The following PTGER3 variants were observed in gnomAD, a reference collection of about 807,000 sequenced individuals.
PTGER3 encodes prostaglandin E2 receptor EP3 subtype.
A neutral mutation model predicts 34.7 loss-of-function variants in PTGER3; 22 were observed. That is an observed-to-expected ratio of 0.63 (90% CI 0.45 to 0.91). The LOEUF is 0.91. PTGER3 is among the 40% of genes least tolerant of loss of function. The pLI, the probability that PTGER3 is intolerant of heterozygous loss-of-function variation, is 0.00. For missense variants in PTGER3, 468 were observed against 519.4 expected (o/e 0.90, Z 0.96); for synonymous variants, 241 against 230.1 (o/e 1.05, Z -0.43).
chr1:71,043,104 A>T (rs940075373), intron 1 of PTGER3, among the ~76,000 whole-genome samples: 2 of 152,342 alleles, frequency 1.3e-5, no homozygotes, highest in East Asian at 1.9e-4. Flanking sequence ...GGTTATTCCC[A>T]TTTCTGGAAA....
chr1:70,875,189 A>G (rs2100562818), intron 4 of PTGER3, among the ~76,000 whole-genome samples: 1 of 152,318 alleles, frequency 6.6e-6, no homozygotes, highest in Non-Finnish European at 1.5e-5. Flanking sequence ...AATTTTAGGG[A>G]CAAAAATGAG....
In PTGER3 at chr1:70,974,378, T is replaced by G; in HGVS notation, c.1088A>C (p.His363Pro). The change falls in exon 3 of 4, where the codon CAC (histidine) becomes CCC (proline). Residue 363 changes from histidine (H) to proline (P), a missense_variant. By Grantham distance (77) the His-to-Pro change is moderately conservative. Around this residue, in one of 5 missense-constraint regions of PTGER3, gnomAD observed 57 missense variants for 43.8 expected, o/e 1.30. Coordinates refer to ENST00000306666, the MANE Select transcript of PTGER3 (RefSeq NM_198719.2). The part of the protein sequence containing the change: ...LLRKFCQIRY[H>P]TNNYASSSTS... ...GGAGCTGGATGCATAGTTGTTTGTG[T>G]GGTACCTGATCTGTGAACAGACAGA... is the stretch of plus-strand genomic sequence containing the variant. 1 of 1,041,864 alleles carries G rather than the reference T, an allele frequency of 9.6e-7. No individual in the cohort carries two copies. The highest frequency in any genetic ancestry group is 1.5e-6 in the Non-Finnish European group (1 of 657,344). The allele number at this position is 1,041,864 out of a possible 1,614,324, so 64.5% of individuals were successfully genotyped here. A position where few individuals can be genotyped will look rare whatever the true frequency, so the allele number is the denominator to read the frequency against.
intron 2 of PTGER3, among the ~76,000 whole-genome samples, chr1:71,000,886 A>G (rs1656410881): frequency 6.6e-6 from 1 of 152,248 alleles, no homozygotes; most frequent in African/African-American, 2.4e-5. Flanking sequence ...ATGTTGATTT[A>G]ATGAAAGTCA....
At chr1:70,968,939 G>T (rs1652809352), downstream of PTGER3, among the ~76,000 whole-genome samples, 1 of 152,144 alleles carries the variant, frequency 6.6e-6, no homozygotes, top group African/African-American at 2.4e-5. Flanking sequence ...GAGCATGGTG[G>T]CTCACACCTG....
chr1:70,867,809 G>C (rs1646075177), intron 4 of PTGER3, among the ~76,000 whole-genome samples: 1 of 152,098 alleles, frequency 6.6e-6, no homozygotes, highest in African/African-American at 2.4e-5. Context: ...TCTTAAGGAA[G>C]CTCTCCTACT....
At chr1:71,046,239 C>T (rs1467597664) in intron 1 of PTGER3, among the ~76,000 whole-genome samples, 92 of 134,724 alleles carry the variant, frequency 6.8e-4, no homozygotes, top group African/African-American at 2.4e-3. Context: ...TGAGCCGAGG[C>T]TGCGCCACTG....
At position 70,990,353 on chromosome 1, in the gene PTGER3, T is replaced by TCACACACA. The variant is rs576448927; in HGVS notation, c.1078-15973_1078-15966dup. Among the ~76,000 whole-genome samples, 29 of 130,802 alleles carry TCACACACA rather than the reference T, an allele frequency of 2.2e-4. 1 individual carries two copies. Among genetic ancestry groups the TCACACACA allele is most frequent in the East Asian group, 6.8e-4 (3 of 4,444 alleles). 85.8% of individuals were successfully genotyped at this position (130,802 alleles called of 152,430 possible). ...GCCTGGGCGACAGAACGAGACTGTC[T>TCACACACA]CACACACACACACACACACACACAC... On this transcript the variant is annotated intron_variant, in intron 2 of 3. Transcript: ENST00000306666.
intron 2 of PTGER3, chr1:71,010,646 G>A: frequency 1.0e-6 from 1 of 984,396 alleles, no homozygotes; most frequent in Non-Finnish European, 1.2e-6. Flanking sequence ...TACCCAATGA[G>A]ATGACCTACA....
chr1:70,972,551 T>G (rs1653201022), intron 3 of PTGER3, among the ~76,000 whole-genome samples: 1 of 151,962 alleles, frequency 6.6e-6, no homozygotes. Flanking sequence ...TATAAACAGT[T>G]TTTTCAAACC....
chr1:70,921,514 T>C (rs929505254), intron 4 of PTGER3, among the ~76,000 whole-genome samples: 2 of 152,148 alleles, frequency 1.3e-5, no homozygotes, highest in African/African-American at 4.8e-5. Context: ...CTGTGCTTTG[T>C]GGGTCTTTCT....
rs186442522 is a variant in PTGER3 at position 70,920,900 on chromosome 1, T to C, written c.*23+32863A>G. On this transcript the variant is annotated intron_variant, in intron 4 of 4. Coordinates refer to the PTGER3 transcript ENST00000370931. ...TTGTATGTTGTTGTATGTTGTTGTC[T>C]CTATGCATATTCTATACAAGACTAA... Among the ~76,000 whole-genome samples, 100 of 152,130 alleles carry C rather than the reference T, an allele frequency of 6.6e-4. 1 individual carries two copies. The South Asian group carries it at 8.9e-3, about 14-fold the overall frequency.
chr1:70,985,476 C>T (rs549872207), intron 2 of PTGER3, among the ~76,000 whole-genome samples: 19 of 152,206 alleles, frequency 1.2e-4, no homozygotes, highest in African/African-American at 4.6e-4. Context: ...CAAACTGTTT[C>T]TCATAAATGC....
Position 71,011,041 on chromosome 1 carries a change from A to G in PTGER3, c.1077+1264T>C, listed in dbSNP as rs1025861612. 3.0e-6 allele frequency: 3 copies of G among 985,610 alleles called. No individual in the cohort carries two copies. The African/African-American group carries it at 5.2e-5, about 17-fold the overall frequency. The allele number at this position is 985,610 out of a possible 1,614,324, so 61.1% of individuals were successfully genotyped here. On this transcript the variant is annotated intron_variant, in intron 2 of 3. Transcript: ENST00000306666. ...AATGAATGCACCAAAGAATATGGCA[A>G]GCTTTGTGTAGGCATAACTACAGGA...
intron 1 of PTGER3, among the ~76,000 whole-genome samples, chr1:71,019,888 C>T (rs1015833619): frequency 3.3e-5 from 5 of 152,066 alleles, no homozygotes; most frequent in Non-Finnish European, 4.4e-5. Context: ...CAGTTTATTC[C>T]TAATGCAAGT....
chr1:70,963,694 T>G (rs766867837), intron 2 of PTGER3, among the ~76,000 whole-genome samples: 39 of 152,008 alleles, frequency 2.6e-4, no homozygotes, highest in Non-Finnish European at 4.4e-4. Context: ...ACTTTTTCTC[T>G]CCTAAGCCTC....
chr1:70,977,257 G>A (rs549674124), intron 2 of PTGER3, among the ~76,000 whole-genome samples: 3 of 152,170 alleles, frequency 2.0e-5, no homozygotes, highest in South Asian at 2.1e-4. Context: ...TAGCTCATTT[G>A]TTTGGCCTTC....
chr1:70,995,110 G>C (rs1655816976), intron 2 of PTGER3, among the ~76,000 whole-genome samples: 1 of 152,144 alleles, frequency 6.6e-6, no homozygotes, highest in African/African-American at 2.4e-5. Flanking sequence ...CAGTAATTCT[G>C]AATCAGGCAT....
chr1:71,009,331 G>A (rs1657239832), intron 2 of PTGER3: 1 of 981,676 alleles, frequency 1.0e-6, no homozygotes, highest in South Asian at 4.7e-5. Flanking sequence ...AATGTAAGTA[G>A]AAATATATGT....
chr1:71,004,561 A>ATT (rs996685031), intron 2 of PTGER3, among the ~76,000 whole-genome samples: 1 of 152,238 alleles, frequency 6.6e-6, no homozygotes, highest in African/African-American at 2.4e-5. Context: ...AGTTTGATAA[A>ATT]TTAGTTTTCT....
Sources: gnomAD v4.1 joint callset for allele counts (sites outside exome capture counted in the v4.1 genomes callset) on GRCh38, gnomAD v4.1.1 for gene constraint, gnomAD v4.1.1 regional missense constraint, MANE v1.5 for transcripts, NCBI Gene and HGNC (gene_info 2026-07-23, HGNC 2026-07-21) for gene names.